The following LDB2 variants were observed in gnomAD, a reference collection of about 807,000 sequenced individuals.
LDB2 encodes the protein LIM domain-binding protein 2.
A neutral mutation model predicts 44.3 loss-of-function variants in LDB2; 12 were observed. That is an observed-to-expected ratio of 0.27 (90% CI 0.17 to 0.44). LDB2 has a LOEUF of 0.44. Among genes scored for constraint, LDB2 ranks in the 20% least tolerant of loss-of-function variants. The pLI is 1.00. For synonymous variants in LDB2, 164 were observed against 174.8 expected, an observed-to-expected ratio of 0.94 and a Z score of 0.49; for missense variants, 344 against 473.5, an observed-to-expected ratio of 0.73 and a Z score of 2.54.
chr4:16,883,515 C>G (rs1249992212), intron 1 of LDB2, among the ~76,000 whole-genome samples: 1 of 152,234 alleles, frequency 6.6e-6, no homozygotes, highest in Non-Finnish European at 1.5e-5. Flanking sequence ...ACACCAGATA[C>G]CCGCCCACTT....
intron 2 of LDB2, among the ~76,000 whole-genome samples, chr4:16,617,810 T>G (rs543148903): frequency 1.3e-5 from 2 of 152,226 alleles, no homozygotes; most frequent in Admixed American, 1.3e-4. Flanking sequence ...ATAGGAAGAT[T>G]TTTTCTACTA....
intron 2 of LDB2, among the ~76,000 whole-genome samples, chr4:16,620,401 T>C (rs1306426187): frequency 6.6e-6 from 1 of 152,212 alleles, no homozygotes; most frequent in Non-Finnish European, 1.5e-5. Flanking sequence ...GATGCTTAGA[T>C]GTGGGAAACC....
intron 2 of LDB2, among the ~76,000 whole-genome samples, chr4:16,693,605 G>A (rs1751392579): frequency 6.6e-6 from 1 of 152,046 alleles, no homozygotes; most frequent in African/African-American, 2.4e-5. Context: ...TCCCGGCCTT[G>A]TTTATTCTTT....
chr4:16,777,751 C>T (rs909802609), intron 1 of LDB2, among the ~76,000 whole-genome samples: 1 of 152,120 alleles, frequency 6.6e-6, no homozygotes, highest in African/African-American at 2.4e-5. Flanking sequence ...TCACATCTGC[C>T]TGGGTTTATT....
intron 2 of LDB2, among the ~76,000 whole-genome samples, chr4:16,683,452 A>G (rs1748450234): frequency 6.6e-6 from 1 of 152,234 alleles, no homozygotes; most frequent in Non-Finnish European, 1.5e-5. Context: ...GACCTTGACC[A>G]CTTGATACCA....
intron 2 of LDB2, among the ~76,000 whole-genome samples, chr4:16,601,753 A>G (rs1234712344): frequency 6.6e-6 from 1 of 152,196 alleles, no homozygotes; most frequent in African/African-American, 2.4e-5. Context: ...TATTATTCAG[A>G]TACATAATAA....
chr4:16,716,792 A>G (rs1165699531), intron 2 of LDB2, among the ~76,000 whole-genome samples: 1 of 152,126 alleles, frequency 6.6e-6, no homozygotes, highest in African/African-American at 2.4e-5. Context: ...ACAGAGCTTT[A>G]CAAACATGGC....
intron 5 of LDB2, among the ~76,000 whole-genome samples, chr4:16,579,010 A>G (rs1231356369): frequency 6.6e-6 from 1 of 152,134 alleles, no homozygotes; most frequent in Non-Finnish European, 1.5e-5. Flanking sequence ...TGAACTGGAG[A>G]TAGAGAGTGG....
At chr4:16,548,471 A>G (rs13133023) in intron 5 of LDB2, among the ~76,000 whole-genome samples, 31,606 of 152,102 alleles carry the variant, frequency 0.21, 3,914 homozygotes, top group East Asian at 0.58. Flanking sequence ...CTGCCCTGCA[A>G]GCTGAAGGGT....
At chr4:16,862,823 G>A (rs2314213) in intron 1 of LDB2, among the ~76,000 whole-genome samples, 5 of 151,744 alleles carry the variant, frequency 3.3e-5, no homozygotes, top group African/African-American at 1.2e-4. Flanking sequence ...GAGATGGGAA[G>A]AAAGCCACAG....
intron 2 of LDB2, among the ~76,000 whole-genome samples, chr4:16,659,632 T>C (rs1740900568): frequency 9.8e-6 from 1 of 101,888 alleles, no homozygotes; most frequent in Non-Finnish European, 2.2e-5. Context: ...ATACATAGTT[T>C]ATATATATAC....
intron 2 of LDB2, among the ~76,000 whole-genome samples, chr4:16,687,168 T>C (rs1306957937): frequency 6.6e-6 from 1 of 152,198 alleles, no homozygotes; most frequent in Non-Finnish European, 1.5e-5. Context: ...AGTTTCTTGT[T>C]ATGAATTGTT....
chr4:16,749,511 A>G (rs1765026854), intron 2 of LDB2, among the ~76,000 whole-genome samples: 1 of 147,100 alleles, frequency 6.8e-6, no homozygotes, highest in South Asian at 2.3e-4. Context: ...TGGAGCCGAG[A>G]TCACACCACT....
At chr4:16,895,286 C>T (rs1199162417) in intron 1 of LDB2, among the ~76,000 whole-genome samples, 1 of 152,018 alleles carries the variant, frequency 6.6e-6, no homozygotes, top group African/African-American at 2.4e-5. Context: ...TTCTGAAGAA[C>T]TTTGATTTAA....
intron 5 of LDB2, among the ~76,000 whole-genome samples, chr4:16,552,539 G>A (rs959992847): frequency 6.6e-6 from 1 of 152,092 alleles, no homozygotes; most frequent in African/African-American, 2.4e-5. Flanking sequence ...CTCCCTCAGA[G>A]ATAGTTCTAA....
At chr4:16,699,842 A>C (rs1333021815) in intron 2 of LDB2, among the ~76,000 whole-genome samples, 1 of 152,040 alleles carries the variant, frequency 6.6e-6, no homozygotes, top group East Asian at 1.9e-4. Context: ...CCCATAATGC[A>C]CTCCATTCCC....
At chr4:16,812,066 G>A (rs1779974515) in intron 1 of LDB2, among the ~76,000 whole-genome samples, 1 of 152,188 alleles carries the variant, frequency 6.6e-6, no homozygotes, top group Non-Finnish European at 1.5e-5. Context: ...TTACCTGGAT[G>A]AAGTCTTCTA....
intron 1 of LDB2, among the ~76,000 whole-genome samples, chr4:16,765,528 A>C (rs1469636024): frequency 6.6e-6 from 1 of 152,258 alleles, no homozygotes; most frequent in Non-Finnish European, 1.5e-5. Flanking sequence ...ATTTTCCTAA[A>C]GTATGCTCCA....
At chr4:16,673,193 T>A (rs2152560280) in intron 2 of LDB2, among the ~76,000 whole-genome samples, 1 of 152,302 alleles carries the variant, frequency 6.6e-6, no homozygotes, top group East Asian at 1.9e-4. Flanking sequence ...ATATCTCTGC[T>A]AAAAATCTGG....
Sources: gnomAD v4.1 joint callset for allele counts (sites outside exome capture counted in the v4.1 genomes callset) on GRCh38, gnomAD v4.1.1 for gene constraint, MANE v1.5 for transcripts, NCBI Gene and HGNC (gene_info 2026-07-23, HGNC 2026-07-21) for gene names.